AFG2A: variants seen among roughly 807,000 people sequenced by gnomAD.
The protein encoded by AFG2A is AAA ATPase AFG2A.
the AFG2A span, among the ~76,000 whole-genome samples, chr4:123,207,306 T>TTTTTTG: frequency 6.9e-6 from 1 of 145,370 alleles, no homozygotes. Flanking sequence ...TTTTTTTTTT[T>TTTTTTG]GTGAGACACG....
chr4:123,271,866 GTTT>G, the AFG2A span, among the ~76,000 whole-genome samples: 104,156 of 150,048 alleles, frequency 0.69, 39,315 homozygotes, highest in Non-Finnish European at 0.85. Context: ...TTCCTAATAT[GTTT>G]TTTTTTTTTT....
At chr4:123,131,444 C>T in the AFG2A span, among the ~76,000 whole-genome samples, 8 of 152,016 alleles carry the variant, frequency 5.3e-5, no homozygotes, top group African/African-American at 9.7e-5. Context: ...TGCACAGCCT[C>T]CAAAACTTTT....
the AFG2A span, among the ~76,000 whole-genome samples, chr4:123,184,866 A>G: frequency 6.6e-6 from 1 of 152,200 alleles, no homozygotes; most frequent in African/African-American, 2.4e-5. Context: ...GTGAAAATAA[A>G]CAGTGAAAAG....
At chr4:123,200,255 T>C in the AFG2A span, among the ~76,000 whole-genome samples, 1 of 147,914 alleles carries the variant, frequency 6.8e-6, no homozygotes, top group African/African-American at 2.7e-5. Flanking sequence ...CACTGATTAC[T>C]CTATTCCAAA....
At chr4:123,040,171 C>G in the AFG2A span, among the ~76,000 whole-genome samples, 1 of 151,904 alleles carries the variant, frequency 6.6e-6, no homozygotes, top group Non-Finnish European at 1.5e-5. Flanking sequence ...TTCAACATTA[C>G]TAGATAGTTT....
At chr4:123,075,276 G>A in the AFG2A span, among the ~76,000 whole-genome samples, 1 of 152,040 alleles carries the variant, frequency 6.6e-6, no homozygotes, top group African/African-American at 2.4e-5. Context: ...TATTTTTACT[G>A]TAGCTTACTT....
At chr4:122,978,889 G>A in the AFG2A span, among the ~76,000 whole-genome samples, 1,311 of 152,338 alleles carry the variant, frequency 8.6e-3, 17 homozygotes, top group African/African-American at 0.03. Flanking sequence ...TGGGACTGGG[G>A]AGAGGCCAGG....
At chr4:123,016,686 C>T in the AFG2A span, among the ~76,000 whole-genome samples, 1 of 147,222 alleles carries the variant, frequency 6.8e-6, no homozygotes, top group African/African-American at 2.5e-5. Flanking sequence ...GATGGGCGGC[C>T]AGGCAGAGAC....
chr4:123,137,770 C>G, the AFG2A span, among the ~76,000 whole-genome samples: 2 of 152,058 alleles, frequency 1.3e-5, no homozygotes, highest in African/African-American at 4.8e-5. Context: ...TTTCCTTTTT[C>G]TGCCTTCTTT....
At chr4:122,998,802 T>A in the AFG2A span, among the ~76,000 whole-genome samples, 1 of 152,208 alleles carries the variant, frequency 6.6e-6, no homozygotes, top group Non-Finnish European at 1.5e-5. Context: ...AGCAGCATGA[T>A]TTATAGTCCT....
chr4:123,270,237 G>C, the AFG2A span, among the ~76,000 whole-genome samples: 2 of 152,156 alleles, frequency 1.3e-5, no homozygotes, highest in East Asian at 3.8e-4. Flanking sequence ...TATGTAGTTG[G>C]TCATTATGGG....
the AFG2A span, among the ~76,000 whole-genome samples, chr4:123,274,202 A>G: frequency 6.6e-6 from 1 of 152,094 alleles, no homozygotes; most frequent in Non-Finnish European, 1.5e-5. Context: ...TCTATACATA[A>G]TGGCTTTGTA....
chr4:123,097,583 T>G, the AFG2A span, among the ~76,000 whole-genome samples: 3 of 152,274 alleles, frequency 2.0e-5, no homozygotes, highest in Admixed American at 2.0e-4. Context: ...CACAAGACTC[T>G]CATAAGTGTT....
the AFG2A span, among the ~76,000 whole-genome samples, chr4:123,041,354 C>G: frequency 6.6e-6 from 1 of 150,526 alleles, no homozygotes; most frequent in East Asian, 2.0e-4. Context: ...ATCTCCTGAC[C>G]TCATGATCCA....
the AFG2A span, among the ~76,000 whole-genome samples, chr4:123,293,861 G>C: frequency 6.6e-6 from 1 of 152,200 alleles, no homozygotes. Context: ...CTGAGCCTCT[G>C]GGGGTTTGAC....
chr4:123,126,623 G>A, the AFG2A span, among the ~76,000 whole-genome samples: 1 of 152,132 alleles, frequency 6.6e-6, no homozygotes, highest in African/African-American at 2.4e-5. Flanking sequence ...TAGTCAGTGA[G>A]TTCTCATGAG....
At chr4:122,970,513 C>T in the AFG2A span, among the ~76,000 whole-genome samples, 1 of 149,988 alleles carries the variant, frequency 6.7e-6, no homozygotes, top group Non-Finnish European at 1.5e-5. Context: ...ACTTTGTCAC[C>T]CAGGCTGGAG....
chr4:122,979,514 T>A, the AFG2A span: 2 of 1,050,868 alleles, frequency 1.9e-6, no homozygotes, highest in Non-Finnish European at 2.7e-6. Context: ...AAAGTTTTAT[T>A]GAGATAGCTG....
chr4:123,191,645 C>T, the AFG2A span, among the ~76,000 whole-genome samples: 4 of 151,924 alleles, frequency 2.6e-5, no homozygotes, highest in South Asian at 8.3e-4. Context: ...ATTCTCTCTC[C>T]CTGTCTTCAT....
Sources: gnomAD v4.1 joint callset for allele counts (sites outside exome capture counted in the v4.1 genomes callset) on GRCh38, gnomAD v4.1.1 for gene constraint, MANE v1.5 for transcripts, NCBI Gene and HGNC (gene_info 2026-07-23, HGNC 2026-07-21) for gene names.